The following ACSBG1 variants were observed in gnomAD, a reference collection of about 807,000 sequenced individuals.
The protein encoded by ACSBG1 is long-chain-fatty-acid--CoA ligase ACSBG1.
ACSBG1 carries 39 observed loss-of-function variants against 80.2 expected under a neutral mutation model. The observed-to-expected ratio is 0.49, with a 90% CI of 0.38 to 0.64. The LOEUF is 0.64. Ranked by LOEUF, ACSBG1 falls within the 30% of genes least tolerant of loss-of-function variation. The probability of loss-of-function intolerance (pLI) is 0.00; values close to 1 mark genes in which losing one functional copy is unlikely to be tolerated. For synonymous variants in ACSBG1, 392 were observed against 379.5 expected, an observed-to-expected ratio of 1.03 and a Z score of -0.38; for missense variants, 828 against 966.4, an observed-to-expected ratio of 0.86 and a Z score of 1.90.
At chr15:78,174,990 A>G (rs529834125) in intron 11 of ACSBG1, among the ~76,000 whole-genome samples, 2 of 152,362 alleles carry the variant, frequency 1.3e-5, no homozygotes, top group South Asian at 4.1e-4. Context: ...CAGATGAGGA[A>G]ACTGAGGCAC....
At chr15:78,201,487 G>C (rs887760456) in intron 2 of ACSBG1, among the ~76,000 whole-genome samples, 4 of 152,230 alleles carry the variant, frequency 2.6e-5, no homozygotes, top group Admixed American at 2.0e-4. Context: ...GAGAGACTTA[G>C]GTAGGGCCTG....
chr15:78,189,688 G>A (rs2075039935), intron 5 of ACSBG1, among the ~76,000 whole-genome samples: 1 of 151,460 alleles, frequency 6.6e-6, no homozygotes, highest in Non-Finnish European at 1.5e-5. Context: ...GGGGTGAGGG[G>A]GGAGGGATAG....
chr15:78,185,549 C>CATGT (rs1461050661), intron 5 of ACSBG1, among the ~76,000 whole-genome samples: 4 of 152,032 alleles, frequency 2.6e-5, no homozygotes, highest in Non-Finnish European at 4.4e-5. Flanking sequence ...ATCAAATATA[C>CATGT]ATGTAATTGG....
At chr15:78,186,743 C>T (rs1389059707) in intron 5 of ACSBG1, among the ~76,000 whole-genome samples, 2 of 152,142 alleles carry the variant, frequency 1.3e-5, no homozygotes, top group East Asian at 3.9e-4. Flanking sequence ...AATTGACACC[C>T]TAACATCACA....
chr15:78,203,482 T>C (rs1307792420), intron 2 of ACSBG1, among the ~76,000 whole-genome samples: 1 of 152,120 alleles, frequency 6.6e-6, no homozygotes, highest in African/African-American at 2.4e-5. Flanking sequence ...GGGGGTAGGC[T>C]TTCCCAGGCA....
At chr15:78,223,004 TAA>T (rs1373657939) in intron 1 of ACSBG1, among the ~76,000 whole-genome samples, 1 of 152,212 alleles carries the variant, frequency 6.6e-6, no homozygotes, top group Non-Finnish European at 1.5e-5. Context: ...AGGTAGAATC[TAA>T]TTTCCCTCTC....
Position 78,193,554 on chromosome 15 carries a change from G to A in ACSBG1, c.615C>T (p.Ala205=). The A allele has an allele frequency of 6.2e-7, 1 of 1,613,518 alleles. No homozygotes were observed. Among genetic ancestry groups the A allele is most frequent in the Non-Finnish European group, 8.5e-7 (1 of 1,179,648 alleles). Residue 205 remains alanine, a synonymous_variant, in exon 5 of 14, where the codon GCC becomes GCT. Coordinates refer to ENST00000258873, the MANE Select transcript of ACSBG1 (RefSeq NM_015162.5). ...TCTGCGTGTCGACCATGATGACATT[G>A]GCGCAGCAGTCATAAGCGATGTACT... ...ACQYIAYDCC[A]NVIMVDTQKQ... is the part of the protein sequence containing the mutation.
chr15:78,174,757 T>C (rs2074866428), intron 11 of ACSBG1: 2 of 547,046 alleles, frequency 3.7e-6, no homozygotes, highest in South Asian at 2.1e-5. Flanking sequence ...CGGCTTGTCA[T>C]CCACGACTCA....
chr15:78,185,477 C>T (rs1220447876), intron 5 of ACSBG1, among the ~76,000 whole-genome samples: 1 of 150,718 alleles, frequency 6.6e-6, no homozygotes. Flanking sequence ...AACATAGCCT[C>T]AAAATAAAGT....
intron 5 of ACSBG1, among the ~76,000 whole-genome samples, chr15:78,189,762 T>G (rs1205377159): frequency 1.3e-5 from 2 of 151,972 alleles, no homozygotes; most frequent in Non-Finnish European, 2.9e-5. Flanking sequence ...GCATGGCACA[T>G]GTATACATAT....
At position 78,172,137 on chromosome 15, in the gene ACSBG1, G is replaced by A. The variant is rs1357762033; in HGVS notation, c.2090-608C>T. 1.3e-5 allele frequency among the ~76,000 whole-genome samples: 2 copies of A among 152,240 alleles called. No homozygotes were observed. The highest frequency in any genetic ancestry group is 1.5e-5 in the Non-Finnish European group (1 of 68,040). On this transcript the variant is annotated intron_variant, in intron 13 of 13. Transcript: ENST00000258873. This position sits in a 1 kb window ranked among gnomAD's most constrained non-coding sequence, Gnocchi z 4.1. ...GCGCGGAGGTGAGCCTCAGCTGCAA[G>A]TGACTGCACCCAGCTCACATTGACT...
intron 1 of ACSBG1, among the ~76,000 whole-genome samples, chr15:78,218,426 A>G (rs2075330441): frequency 6.6e-6 from 1 of 152,178 alleles, no homozygotes; most frequent in African/African-American, 2.4e-5. Flanking sequence ...AAAGACACAC[A>G]TACACAGCCT....
At chr15:78,182,998 G>T (rs900355782) in intron 5 of ACSBG1, 7 of 593,970 alleles carry the variant, frequency 1.2e-5, no homozygotes, top group African/African-American at 1.1e-4. Flanking sequence ...GGGGACTGGG[G>T]ATGACTCCCC....
intron 1 of ACSBG1, among the ~76,000 whole-genome samples, chr15:78,217,905 C>T (rs2075325824): frequency 6.6e-6 from 1 of 152,106 alleles, no homozygotes; most frequent in Non-Finnish European, 1.5e-5. Context: ...TATATTAAAT[C>T]GTAATCCAGG....
At chr15:78,202,491 G>T (rs1015410700) in intron 2 of ACSBG1, among the ~76,000 whole-genome samples, 1 of 152,172 alleles carries the variant, frequency 6.6e-6, no homozygotes, top group African/African-American at 2.4e-5. Context: ...TTACAGGCGT[G>T]AGCCACCACT....
chr15:78,197,931 G>A (rs903479887), intron 2 of ACSBG1, among the ~76,000 whole-genome samples: 1 of 152,072 alleles, frequency 6.6e-6, no homozygotes, highest in Non-Finnish European at 1.5e-5. Context: ...AGAAGCTCAC[G>A]CTCCTCTGTA....
rs75538588 is a variant in ACSBG1, at chr15:78,210,910, G to A, written c.132-2808C>T. 9.6e-3 allele frequency among the ~76,000 whole-genome samples: 1,464 copies of A among 152,228 alleles called. 36 individuals carry two copies. The highest frequency in any genetic ancestry group is 0.032 in the African/African-American group (1,343 of 41,528). ...ATTATAGGCGCAAGTCACCATGCTC[G>A]GCCATTTTTTAGTTTTTAATCCTCT... On this transcript the variant is annotated intron_variant, in intron 1 of 13. Coordinates refer to ENST00000258873, the MANE Select transcript of ACSBG1 (RefSeq NM_015162.5).
At position 78,182,551 on chromosome 15, in the gene ACSBG1, G is replaced by A; in HGVS notation, c.809C>T (p.Thr270Ile). Residue 270 changes from threonine to isoleucine, a missense_variant, in exon 7 of 14, where the codon ACC becomes ATC. Around this residue, in one of 3 missense-constraint regions of ACSBG1, gnomAD observed 356 missense variants for 363.5 expected, o/e 0.98. Coordinates refer to ENST00000258873, the MANE Select transcript of ACSBG1 (RefSeq NM_015162.5). ...CACACAGCACTGGTTGGGCTGCTGG[G>A]TGTCAATGATGGCGTCCAGGGCTTC... ...PEEALDAIID[T>I]QQPNQCCVLV... 8 of 1,614,196 alleles carry A rather than the reference G, an allele frequency of 5.0e-6. No homozygotes were observed. The highest frequency in any genetic ancestry group is 6.8e-6 in the Non-Finnish European group (8 of 1,180,020).
At chr15:78,180,985 C>T (rs1005025249) in intron 8 of ACSBG1, 49 bp from the exon 9 acceptor site, 3 of 1,582,754 alleles carry the variant, frequency 1.9e-6, no homozygotes, top group African/African-American at 2.7e-5. Flanking sequence ...GCATCTGGGG[C>T]CCAGGGGTCC....
Sources: allele counts gnomAD v4.1 joint callset (sites outside exome capture counted in the v4.1 genomes callset), GRCh38; gene constraint gnomAD v4.1.1; regional missense constraint gnomAD v4.1.1; non-coding constraint Gnocchi (gnomAD v3.1); transcripts MANE v1.5; gene names NCBI Gene and HGNC (gene_info 2026-07-23, HGNC 2026-07-21).